PLXNA2: variants seen among roughly 807,000 people sequenced by gnomAD.
PLXNA2 encodes the protein plexin-A2.
A neutral mutation model predicts 193.5 loss-of-function variants in PLXNA2; 91 were observed. The ratio of observed to expected loss-of-function variants is 0.47; its 90% CI spans 0.40 to 0.56. The LOEUF (loss-of-function observed/expected upper bound fraction) is 0.56. Among genes scored for constraint, PLXNA2 ranks in the 20% least tolerant of loss-of-function variants. PLXNA2 has a pLI of 0.00. For missense variants in PLXNA2, 1,995 were observed against 2,503.2 expected (o/e 0.80, Z 4.33); for synonymous variants, 997 against 1,027.3 (o/e 0.97, Z 0.56).
rs1231270213 is a variant in PLXNA2 at position 208,044,667 on chromosome 1, T to C, written c.3715A>G (p.Ile1239Val). 1.2e-6 allele frequency: 2 copies of C among 1,613,988 alleles called. No individual in the cohort carries two copies. Among genetic ancestry groups the C allele is most frequent in the African/African-American group, 1.3e-5 (1 of 74,898 alleles). ...ISDSLLTLPA[I>V]VSIAAGGSLL... ...CTGCCGCCGGCCGCGATGCTGACGA[T>C]GGCTGGCAGGGTCAGCAAGCTGTCT... is the stretch of plus-strand genomic sequence containing the variant. The change falls in exon 20 of 32, where the codon ATC becomes GTC. Residue 1239 changes from isoleucine to valine, a missense_variant. This residue lies in a region of PLXNA2 where 1,291 missense variants were observed against 1,673.6 expected (regional missense o/e 0.77). Coordinates refer to ENST00000367033, the MANE Select transcript of PLXNA2 (RefSeq NM_025179.4). The surrounding 1 kb of genome is among the most constrained non-coding windows in gnomAD (Gnocchi z 4.9).
intron 2 of PLXNA2, among the ~76,000 whole-genome samples, chr1:208,215,105 C>T (rs1032392653): frequency 5.3e-5 from 8 of 152,064 alleles, no homozygotes; most frequent in African/African-American, 1.9e-4. Flanking sequence ...CTCCACCTCC[C>T]ATGCTCAGGC....
At position 208,060,783 on chromosome 1, in the gene PLXNA2, C is replaced by T. The variant is rs200059023; in HGVS notation, c.2641G>A (p.Val881Met). 95 of 1,614,124 alleles carry T rather than the reference C, an allele frequency of 5.9e-5. 1 individual carries two copies. The South Asian group carries it at 6.8e-4, about 12-fold the overall frequency. Reference protein sequence around the residue: ...EGGTRVTIHGVNLGLDFSEIA... With the variant: ...EGGTRVTIHGMNLGLDFSEIA... Reference sequence around the variant, plus strand: ...TCGGAGAAGTCCAGACCCAGGTTCACGCCATGGATGGTCACTCGCGTCCCT... The same window carrying T: ...TCGGAGAAGTCCAGACCCAGGTTCATGCCATGGATGGTCACTCGCGTCCCT... The change falls in exon 13 of 32, where the codon GTG (valine) becomes ATG (methionine). Residue 881 changes from valine (V) to methionine (M), a missense_variant. Physicochemically the swap from Val to Met is conservative, Grantham distance 21 (BLOSUM62 1). This residue lies in a region of PLXNA2 where 1,291 missense variants were observed against 1,673.6 expected (regional missense o/e 0.77). Coordinates refer to ENST00000367033, the MANE Select transcript of PLXNA2 (RefSeq NM_025179.4).
intron 3 of PLXNA2, among the ~76,000 whole-genome samples, chr1:208,169,420 C>A (rs1160789752): frequency 1.3e-5 from 2 of 152,232 alleles, no homozygotes; most frequent in Non-Finnish European, 2.9e-5. Flanking sequence ...ATGAATATTT[C>A]TCTGTCTTCC....
At chr1:208,070,501 T>C (rs1320033196) in intron 12 of PLXNA2, among the ~76,000 whole-genome samples, 1 of 152,244 alleles carries the variant, frequency 6.6e-6, no homozygotes, top group African/African-American at 2.4e-5. Flanking sequence ...GCAGCAGGCT[T>C]GAGGAAGAGC....
intron 12 of PLXNA2, among the ~76,000 whole-genome samples, chr1:208,076,464 A>T (rs1038550764): frequency 1.3e-5 from 2 of 152,108 alleles, no homozygotes; most frequent in Non-Finnish European, 2.9e-5. Flanking sequence ...ACGGCTATCA[A>T]TTTTTATGTT....
chr1:208,173,349 CTA>C (rs1248758397), intron 3 of PLXNA2, among the ~76,000 whole-genome samples: 1 of 152,236 alleles, frequency 6.6e-6, no homozygotes, highest in Admixed American at 6.5e-5. Context: ...TTTCCCTGCA[CTA>C]TGAGCCCCGT....
intron 12 of PLXNA2, among the ~76,000 whole-genome samples, chr1:208,078,037 T>C (rs887031092): frequency 8.5e-5 from 13 of 152,204 alleles, no homozygotes; most frequent in African/African-American, 2.9e-4. Context: ...TTGGGAATAT[T>C]GTAAAGAATT....
At chr1:208,180,671 A>T (rs769737256) in intron 3 of PLXNA2, among the ~76,000 whole-genome samples, 1 of 152,232 alleles carries the variant, frequency 6.6e-6, no homozygotes, top group Non-Finnish European at 1.5e-5. Flanking sequence ...ACTGAGAGTC[A>T]CAGTGGTTAA....
intron 3 of PLXNA2, among the ~76,000 whole-genome samples, chr1:208,168,734 T>G (rs1193002587): frequency 1.4e-5 from 2 of 139,628 alleles, no homozygotes; most frequent in African/African-American, 2.6e-5. Flanking sequence ...GTTTTTTTTT[T>G]TTTTTTTTTT....
intron 3 of PLXNA2, among the ~76,000 whole-genome samples, chr1:208,152,918 C>T (rs1035333097): frequency 7.9e-5 from 12 of 152,100 alleles, no homozygotes; most frequent in African/African-American, 2.9e-4. Context: ...CTACCTACTC[C>T]ACGAAGCCTG....
At chr1:208,102,788 G>C (rs1667137582) in intron 5 of PLXNA2, among the ~76,000 whole-genome samples, 1 of 152,178 alleles carries the variant, frequency 6.6e-6, no homozygotes, top group Admixed American at 6.5e-5. Flanking sequence ...GCACACTCTT[G>C]GCACAGAGGG....
rs191526612 is a variant in PLXNA2, at chr1:208,188,174, G to A, written c.1371+22106C>T. Among the ~76,000 whole-genome samples, 3 of 152,280 alleles carry A rather than the reference G, an allele frequency of 2.0e-5. No homozygotes were observed. The East Asian group carries it at 5.8e-4, about 29-fold the overall frequency. Reference sequence around the variant, plus strand: ...CTCATGCCTTCAACTAGGCACCTGAGGAAAGAACCCATGTCCTATTGTCCT... The same window carrying A: ...CTCATGCCTTCAACTAGGCACCTGAAGAAAGAACCCATGTCCTATTGTCCT... On this transcript the variant is annotated intron_variant, in intron 3 of 31. Transcript: ENST00000367033.
chr1:208,151,474 G>T (rs1455509906), intron 3 of PLXNA2, among the ~76,000 whole-genome samples: 1 of 152,140 alleles, frequency 6.6e-6, no homozygotes, highest in African/African-American at 2.4e-5. Flanking sequence ...GGTGTGGTGA[G>T]AACTGATGGA....
At chr1:208,238,070 C>T (rs1671925461) in intron 1 of PLXNA2, among the ~76,000 whole-genome samples, 1 of 152,184 alleles carries the variant, frequency 6.6e-6, no homozygotes, top group African/African-American at 2.4e-5. Flanking sequence ...GCTGTTTAGA[C>T]AGAACAAGAG....
intron 28 of PLXNA2, 31 bp from the exon 29 acceptor site, chr1:208,031,790 AG>A (rs754187722): frequency 1.2e-5 from 17 of 1,477,492 alleles, no homozygotes; most frequent in Middle Eastern, 1.8e-4. Flanking sequence ...AGTAAGATGG[AG>A]GGGGGTGACG....
At chr1:208,037,217 G>A (rs1179712998) in intron 26 of PLXNA2, among the ~76,000 whole-genome samples, 1 of 152,186 alleles carries the variant, frequency 6.6e-6, no homozygotes, top group African/African-American at 2.4e-5. Context: ...GGGAAGCAGG[G>A]CTTGAATACA....
In PLXNA2 at chr1:208,082,222, A is replaced by G. The variant is rs971203888; in HGVS notation, c.2395+190T>C. 2.6e-5 allele frequency among the ~76,000 whole-genome samples: 4 copies of G among 152,302 alleles called. No homozygotes were observed. The highest frequency in any genetic ancestry group is 9.6e-5 in the African/African-American group (4 of 41,570). On this transcript the variant is annotated intron_variant, in intron 11 of 31. Coordinates refer to ENST00000367033, the MANE Select transcript of PLXNA2 (RefSeq NM_025179.4). This position sits in a 1 kb window ranked among gnomAD's most constrained non-coding sequence, Gnocchi z 4.2. Reference sequence around the variant, plus strand: ...GCCGCCCAGCGGATGCTCTGGTTGTAATAAAACAGGGCTCCCAACAGGACT... The same window carrying G: ...GCCGCCCAGCGGATGCTCTGGTTGTGATAAAACAGGGCTCCCAACAGGACT...
At position 208,186,717 on chromosome 1, in the gene PLXNA2, T is replaced by A. The variant is rs575729831; in HGVS notation, c.1371+23563A>T. Among the ~76,000 whole-genome samples the A allele has an allele frequency of 5.9e-3, 799 of 136,340 alleles. 12 individuals are homozygous for A. Among genetic ancestry groups the A allele is most frequent in the African/African-American group, 0.022 (716 of 32,042 alleles). 89.4% of individuals were successfully genotyped at this position (136,340 alleles called of 152,430 possible). A position where few individuals can be genotyped will look rare whatever the true frequency, so the allele number is the denominator to read the frequency against. The stretch of plus-strand genomic sequence containing the variant: ...TGGGAATTGCAATGTTATTTTATTT[T>A]TTTTTTTTTTTTTGAGACGGAGTCT... On this transcript the variant is annotated intron_variant, in intron 3 of 31. Transcript: ENST00000367033.
At chr1:208,196,063 G>A (rs1293991405) in intron 3 of PLXNA2, among the ~76,000 whole-genome samples, 2 of 152,186 alleles carry the variant, frequency 1.3e-5, no homozygotes, top group South Asian at 4.2e-4. Context: ...ACTGAAGGGG[G>A]CGAGTATAGT....
Sources: allele counts gnomAD v4.1 joint callset (sites outside exome capture counted in the v4.1 genomes callset), GRCh38; gene constraint gnomAD v4.1.1; regional missense constraint gnomAD v4.1.1; non-coding constraint Gnocchi (gnomAD v3.1); transcripts MANE v1.5; gene names NCBI Gene and HGNC (gene_info 2026-07-23, HGNC 2026-07-21).